The following CCNY variants were observed in gnomAD, a reference collection of about 807,000 sequenced individuals.
CCNY encodes cyclin Y, also known as cyclin-Y.
CCNY carries 19 observed loss-of-function variants against 42.8 expected under a neutral mutation model. The observed-to-expected ratio is 0.44, with a 90% CI of 0.31 to 0.65. The LOEUF (loss-of-function observed/expected upper bound fraction) is 0.65, where lower values mean the gene tolerates loss of function less well. Ranked by LOEUF, CCNY falls within the 30% of genes least tolerant of loss-of-function variation. CCNY has a pLI of 0.07. For missense variants in CCNY, 370 were observed against 437.3 expected, an observed-to-expected ratio of 0.85 and a Z score of 1.37; for synonymous variants, 165 against 162.7, an observed-to-expected ratio of 1.01 and a Z score of -0.11.
intron 3 of CCNY, among the ~76,000 whole-genome samples, chr10:35,312,204 T>A (rs1476417443): frequency 2.0e-5 from 3 of 151,778 alleles, no homozygotes; most frequent in Non-Finnish European, 2.9e-5. Context: ...GGTGAAACCC[T>A]GTCTTTACTA....
chr10:35,288,063 T>TTACATC (rs1835374235), intron 3 of CCNY, among the ~76,000 whole-genome samples: 2 of 152,210 alleles, frequency 1.3e-5, no homozygotes, highest in Non-Finnish European at 2.9e-5. Context: ...GATGTATCAT[T>TTACATC]TACATCCCAC....
intron 2 of CCNY, among the ~76,000 whole-genome samples, chr10:35,498,102 C>T (rs1016853549): frequency 2.6e-5 from 4 of 152,150 alleles, no homozygotes; most frequent in African/African-American, 9.7e-5. Flanking sequence ...TGGAGCCACA[C>T]AGGTTGCACT....
At chr10:35,514,096 A>C (rs1041041480) in intron 3 of CCNY, among the ~76,000 whole-genome samples, 1 of 151,368 alleles carries the variant, frequency 6.6e-6, no homozygotes, top group Non-Finnish European at 1.5e-5. Context: ...AAAAAAAAAA[A>C]ACAGAGACAA....
rs994476644 is a variant in CCNY at position 35,336,747 on chromosome 10, G to T, written c.-307G>T. 6.8e-6 allele frequency: 1 copy of T among 147,142 alleles called. No homozygotes were observed. Among genetic ancestry groups the T allele is most frequent in the Non-Finnish European group, 1.5e-5 (1 of 66,116 alleles). 9.1% of individuals were successfully genotyped at this position (147,142 alleles called of 1,614,324 possible). The stretch of plus-strand genomic sequence containing the variant: ...GGCGCCGCCCGCCATGGCCGCGGCG[G>T]GGTGAGGTAGGCGCGGCGGCCGCAG... On this transcript the variant is annotated 5_prime_UTR_variant, in exon 1 of 10. Coordinates refer to ENST00000374704, the MANE Select transcript of CCNY (RefSeq NM_145012.6).
At chr10:35,495,383 T>C (rs569739304) in intron 2 of CCNY, among the ~76,000 whole-genome samples, 1 of 152,342 alleles carries the variant, frequency 6.6e-6, no homozygotes, top group East Asian at 1.9e-4. Context: ...ACAGAAAACC[T>C]CTCAAGTGTG....
chr10:35,419,938 T>C (rs1838123871), intron 1 of CCNY, among the ~76,000 whole-genome samples: 1 of 151,630 alleles, frequency 6.6e-6, no homozygotes, highest in South Asian at 2.1e-4. Flanking sequence ...TTTTTTTTTT[T>C]TTTTTAGTAC....
At chr10:35,503,092 A>AC (rs961100427) in intron 3 of CCNY, among the ~76,000 whole-genome samples, 9 of 149,138 alleles carry the variant, frequency 6.0e-5, no homozygotes, top group East Asian at 4.0e-4. Context: ...TGCACGCCCC[A>AC]CCCCCCCAAC....
intron 1 of CCNY, among the ~76,000 whole-genome samples, chr10:35,399,315 C>CCCAGGGTGTCCTTCTCCATGG (rs56799045): frequency 1.3e-5 from 2 of 151,778 alleles, no homozygotes; most frequent in Non-Finnish European, 2.9e-5. Context: ...GGCTTGACTG[C>CCCAGGGTGTCCTTCTCCATGG]CCAGGATGCT....
intron 1 of CCNY, among the ~76,000 whole-genome samples, chr10:35,479,945 G>A (rs1839628008): frequency 6.6e-6 from 1 of 151,484 alleles, no homozygotes; most frequent in South Asian, 2.1e-4. Flanking sequence ...AAGTTAGGGT[G>A]ATAAAGCAGG....
intron 7 of CCNY, among the ~76,000 whole-genome samples, chr10:35,540,834 T>G (rs1257938048): frequency 1.3e-5 from 2 of 152,210 alleles, no homozygotes; most frequent in East Asian, 3.8e-4. Flanking sequence ...CCTTTATGAT[T>G]CTTTTTATTT....
In CCNY at chr10:35,566,079, C is replaced by T. The variant is rs1259468649; in HGVS notation, c.803C>T (p.Ser268Phe). 15 of 1,614,094 alleles carry T rather than the reference C, an allele frequency of 9.3e-6. No homozygotes were observed. The highest frequency in any genetic ancestry group is 1.3e-5 in the Non-Finnish European group (15 of 1,180,042). Residue 268 changes from serine (S) to phenylalanine (F), a missense_variant, in exon 9 of 10, where the codon TCC becomes TTC. This residue lies in a region of CCNY where 234 missense variants were observed against 313.1 expected (regional missense o/e 0.75). Coordinates refer to ENST00000374704, the MANE Select transcript of CCNY (RefSeq NM_145012.6). Reference sequence around the variant, plus strand: ...CTGCAGTTCAACATCAATGTTCCTTCCAGTGTCTATGCCAAGTATTATTTT... The same window carrying T: ...CTGCAGTTCAACATCAATGTTCCTTTCAGTGTCTATGCCAAGTATTATTTT... ...ELLQFNINVP[S>F]SVYAKYYFDL...
chr10:35,456,139 G>C (rs1221599377), intron 1 of CCNY, among the ~76,000 whole-genome samples: 2 of 152,078 alleles, frequency 1.3e-5, no homozygotes, highest in African/African-American at 4.8e-5. Flanking sequence ...TGGTGTGTGT[G>C]TAATTGCACT....
intron 2 of CCNY, among the ~76,000 whole-genome samples, chr10:35,495,689 C>A (rs1351986045): frequency 6.6e-6 from 1 of 152,174 alleles, no homozygotes; most frequent in Admixed American, 6.5e-5. Context: ...TCCTGCAGCA[C>A]AGGAGGTGTG....
chr10:35,468,828 A>G (rs1388444489), intron 1 of CCNY, among the ~76,000 whole-genome samples: 2 of 152,224 alleles, frequency 1.3e-5, no homozygotes, highest in African/African-American at 2.4e-5. Flanking sequence ...CATTAGAGAT[A>G]CAGACAGACT....
At chr10:35,270,913 A>G (rs10827497) in intron 3 of CCNY, among the ~76,000 whole-genome samples, 65,784 of 150,972 alleles carry the variant, frequency 0.44, 15,536 homozygotes, top group African/African-American at 0.62. Context: ...TTTTAGTAGA[A>G]ACGGGGCTTC....
chr10:35,405,179 T>C (rs899007888), intron 1 of CCNY, among the ~76,000 whole-genome samples: 14 of 152,182 alleles, frequency 9.2e-5, no homozygotes, highest in Admixed American at 7.9e-4. Flanking sequence ...AAGGAGAGTT[T>C]ACAGGCTTTA....
chr10:35,253,644 G>A (rs887737274), intron 3 of CCNY, among the ~76,000 whole-genome samples: 1 of 151,244 alleles, frequency 6.6e-6, no homozygotes, highest in Admixed American at 6.6e-5. Flanking sequence ...GTGTTTTCTC[G>A]AGTTCTCTGA....
intron 1 of CCNY, among the ~76,000 whole-genome samples, chr10:35,355,981 A>G (rs914862185): frequency 6.6e-6 from 1 of 151,614 alleles, no homozygotes; most frequent in Non-Finnish European, 1.5e-5. Flanking sequence ...CTGCCCATTT[A>G]GTGTGTTGAT....
chr10:35,383,245 A>G (rs943552976), intron 1 of CCNY, among the ~76,000 whole-genome samples: 1 of 152,200 alleles, frequency 6.6e-6, no homozygotes, highest in Non-Finnish European at 1.5e-5. Context: ...CGTTGAATCA[A>G]TATTCAGCGT....
Sources: gnomAD v4.1 joint callset for allele counts (sites outside exome capture counted in the v4.1 genomes callset) on GRCh38, gnomAD v4.1.1 for gene constraint, gnomAD v4.1.1 regional missense constraint, MANE v1.5 for transcripts, NCBI Gene and HGNC (gene_info 2026-07-23, HGNC 2026-07-21) for gene names.